The following PCBP3 variants were observed in gnomAD, a reference collection of about 807,000 sequenced individuals.
PCBP3 encodes the protein poly(rC)-binding protein 3.
Under a neutral mutation model 52.7 loss-of-function variants are expected in PCBP3, and 25 were observed. That is an observed-to-expected ratio of 0.47 (90% CI 0.35 to 0.66). The LOEUF is 0.66. Ranked by LOEUF, PCBP3 falls within the 30% of genes least tolerant of loss-of-function variation. The probability of loss-of-function intolerance (pLI) is 0.01; values close to 1 mark genes in which losing one functional copy is unlikely to be tolerated. For synonymous variants in PCBP3, 162 were observed against 183.0 expected, an observed-to-expected ratio of 0.89 and a Z score of 0.93; for missense variants, 391 against 490.3, an observed-to-expected ratio of 0.80 and a Z score of 1.91.
intron 2 of PCBP3, among the ~76,000 whole-genome samples, chr21:45,691,402 CAT>C (rs1335073261): frequency 7.1e-6 from 1 of 140,346 alleles, no homozygotes; most frequent in Admixed American, 7.2e-5. Flanking sequence ...ATATATATCT[CAT>C]ATATATATTA....
rs191564166 is a variant in PCBP3, at chr21:45,645,312, C to T, written c.-279+1444C>T. 1.5e-4 allele frequency among the ~76,000 whole-genome samples: 23 copies of T among 152,078 alleles called. 1 individual carries two copies. The highest frequency in any genetic ancestry group is 5.8e-4 in the East Asian group (3 of 5,180). Reference sequence around the variant, plus strand: ...TTCATTACGAATGGTTTAGAACTTACGTAGCTTCACGTATTTTCTTAGTTG... The same window carrying T: ...TTCATTACGAATGGTTTAGAACTTATGTAGCTTCACGTATTTTCTTAGTTG... On this transcript the variant is annotated intron_variant, in intron 1 of 17. Coordinates refer to ENST00000681687, the MANE Select transcript of PCBP3 (RefSeq NM_001384156.1).
chr21:45,838,546 GA>G (rs1235488438), intron 4 of PCBP3, among the ~76,000 whole-genome samples: 3 of 152,036 alleles, frequency 2.0e-5, no homozygotes, highest in Non-Finnish European at 4.4e-5. Context: ...TAAAAGAAGA[GA>G]AAATTAAGAT....
At chr21:45,824,435 A>G (rs1453372839) in intron 4 of PCBP3, among the ~76,000 whole-genome samples, 4 of 152,192 alleles carry the variant, frequency 2.6e-5, no homozygotes, top group African/African-American at 9.7e-5. Flanking sequence ...CAGAATTCCT[A>G]AACTTAATCA....
chr21:45,923,891 AGATGCGAACACCGGGAACAGTCGAGTGGG>A (rs1380612587), intron 13 of PCBP3, among the ~76,000 whole-genome samples: 1 of 79,130 alleles, frequency 1.3e-5, no homozygotes, highest in Non-Finnish European at 2.7e-5. Flanking sequence ...GTGCACGAGG[AGATGCGAACACCGGGAACAGTCGAGTGGG>A]TAGAAACAGC....
At chr21:45,663,380 G>C (rs2147118520) in intron 1 of PCBP3, among the ~76,000 whole-genome samples, 1 of 152,134 alleles carries the variant, frequency 6.6e-6, no homozygotes, top group Non-Finnish European at 1.5e-5. Context: ...GGGCCCAGCT[G>C]TTTTTTCTTT....
chr21:45,821,425 T>C lies in PCBP3; in HGVS notation c.-125-28536T>C, dbSNP rs367994314. On this transcript the variant is annotated intron_variant, in intron 4 of 17. Coordinates refer to ENST00000681687, the MANE Select transcript of PCBP3 (RefSeq NM_001384156.1). This position sits in a 1 kb window ranked among gnomAD's most constrained non-coding sequence, Gnocchi z 4.4. ...CTCTTTTCTACAACACTCTTCCCCC[T>C]GCACCGTGCTGTGGGCCCCGCACCT... 3.5e-3 allele frequency among the ~76,000 whole-genome samples: 223 copies of C among 64,070 alleles called. 3 individuals are homozygous for C. The highest frequency in any genetic ancestry group is 0.013 in the African/African-American group (206 of 16,060). 42.0% of individuals were successfully genotyped at this position (64,070 alleles called of 152,430 possible).
intron 15 of PCBP3, 81 bp downstream of exon 15, chr21:45,930,926 C>A: frequency 6.3e-7 from 1 of 1,578,010 alleles, no homozygotes; most frequent in Non-Finnish European, 8.6e-7. Flanking sequence ...GGGGGCCCTG[C>A]CGCTGCAGCA....
chr21:45,840,649 C>T (rs1033436083), intron 4 of PCBP3, among the ~76,000 whole-genome samples: 1 of 152,146 alleles, frequency 6.6e-6, no homozygotes, highest in African/African-American at 2.4e-5. Context: ...CCTGTGAGCT[C>T]CATTCATAAT....
intron 1 of PCBP3, among the ~76,000 whole-genome samples, chr21:45,646,103 CTCTCTGTGTGTGTGTGTGTGTG>C (rs2079278339): frequency 1.3e-5 from 1 of 76,934 alleles, no homozygotes; most frequent in Non-Finnish European, 3.0e-5. Flanking sequence ...CTCTCTCTCT[CTCTCTGTGTGTGTGTGTGTGTG>C]TGTGTGTGTG....
intron 2 of PCBP3, among the ~76,000 whole-genome samples, chr21:45,685,190 A>C (rs1010968614): frequency 2.0e-5 from 3 of 152,258 alleles, no homozygotes; most frequent in Non-Finnish European, 4.4e-5. Context: ...TACCAAGAGT[A>C]GTCAAATTCA....
chr21:45,909,517 C>CG (rs2096283822), intron 10 of PCBP3, 31 bp downstream of exon 10: 1 of 1,605,940 alleles, frequency 6.2e-7, no homozygotes, highest in Non-Finnish European at 8.5e-7. Context: ...TGGGCCGCTG[C>CG]GGAGCCTCTA....
intron 11 of PCBP3, among the ~76,000 whole-genome samples, chr21:45,912,995 C>G (rs1226960148): frequency 1.3e-5 from 2 of 152,154 alleles, no homozygotes; most frequent in African/African-American, 2.4e-5. Flanking sequence ...AGCCAAGGCC[C>G]CAGAACTCCC....
intron 2 of PCBP3, among the ~76,000 whole-genome samples, chr21:45,729,735 T>C (rs1408456449): frequency 3.3e-5 from 5 of 152,180 alleles, no homozygotes; most frequent in African/African-American, 4.8e-5. Flanking sequence ...TATTTATCAA[T>C]ATTATGTGCC....
intron 1 of PCBP3, among the ~76,000 whole-genome samples, chr21:45,652,735 G>T (rs775791409): frequency 2.0e-5 from 3 of 152,072 alleles, no homozygotes; most frequent in Non-Finnish European, 4.4e-5. Flanking sequence ...GAGCCACCAC[G>T]CCCGCCCTGA....
chr21:45,896,399 G>A (rs577059925), intron 6 of PCBP3, 37 bp downstream of exon 6: 2 of 1,544,970 alleles, frequency 1.3e-6, no homozygotes, highest in Non-Finnish European at 1.8e-6. Flanking sequence ...AGGAAAGGCG[G>A]CCGCGGCAGA....
chr21:45,866,877 G>A (rs752601196), intron 5 of PCBP3, among the ~76,000 whole-genome samples: 1 of 152,162 alleles, frequency 6.6e-6, no homozygotes, highest in South Asian at 2.1e-4. Context: ...GGCGGAGGTC[G>A]GGGACAGTCG....
At chr21:45,657,236 T>C (rs1004116565) in intron 1 of PCBP3, among the ~76,000 whole-genome samples, 3 of 152,230 alleles carry the variant, frequency 2.0e-5, no homozygotes, top group Non-Finnish European at 4.4e-5. Context: ...CATTGCTTAA[T>C]CCTAGGTCAC....
chr21:45,795,055 C>G (rs1015092514), intron 4 of PCBP3, among the ~76,000 whole-genome samples: 1 of 152,098 alleles, frequency 6.6e-6, no homozygotes, highest in African/African-American at 2.4e-5. Flanking sequence ...TTAAATGGGA[C>G]AAAGATACTT....
chr21:45,673,517 C>T (rs2081293164), intron 2 of PCBP3: 1 of 152,072 alleles, frequency 6.6e-6, no homozygotes, highest in Non-Finnish European at 1.5e-5. Context: ...CTCCCAGACT[C>T]ATCCCTCTCT....
Sources: gnomAD v4.1 joint callset for allele counts (sites outside exome capture counted in the v4.1 genomes callset) on GRCh38, gnomAD v4.1.1 for gene constraint, Gnocchi (gnomAD v3.1) non-coding constraint, MANE v1.5 for transcripts, NCBI Gene and HGNC (gene_info 2026-07-23, HGNC 2026-07-21) for gene names.